ABCB11: variants seen among roughly 807,000 people sequenced by gnomAD.
ABCB11 encodes the protein ATP binding cassette subfamily B member 11.
ABCB11 carries 95 observed loss-of-function variants against 148.0 expected under a neutral mutation model. That is an observed-to-expected ratio of 0.64 (90% CI 0.54 to 0.76). The LOEUF is 0.76. Among genes scored for constraint, ABCB11 ranks in the 30% least tolerant of loss-of-function variants. The pLI, the probability that ABCB11 is intolerant of heterozygous loss-of-function variation, is 0.00. For missense variants in ABCB11, 1,523 were observed against 1,617.8 expected, an observed-to-expected ratio of 0.94 and a Z score of 1.01; for synonymous variants, 591 against 555.4, an observed-to-expected ratio of 1.06 and a Z score of -0.90.
chr2:168,927,105 C>G, intron 26 of ABCB11, 51 bp downstream of exon 26: 2 of 1,499,792 alleles, frequency 1.3e-6, no homozygotes, highest in Non-Finnish European at 1.9e-6. Context: ...GGTCATTCTA[C>G]TTCTCCCCAT....
In ABCB11 at chr2:168,990,929, A is replaced by C; in HGVS notation, c.784-4T>G. ...AGTCCGTAAACTTGGACACACTCTA[A>C]AAATCAAAAAGAAGAAAAGAAAATG... On this transcript the variant is annotated splice_polypyrimidine_tract_variant and splice_region_variant and intron_variant, in intron 8 of 27. Coordinates refer to ENST00000650372, the MANE Select transcript of ABCB11 (RefSeq NM_003742.4). The C allele has an allele frequency of 2.5e-6, 4 of 1,609,516 alleles. No homozygotes were observed. The highest frequency in any genetic ancestry group is 3.4e-6 in the Non-Finnish European group (4 of 1,178,396).
At chr2:168,916,832 C>T (rs546077866), downstream of ABCB11, among the ~76,000 whole-genome samples, 1 of 152,164 alleles carries the variant, frequency 6.6e-6, no homozygotes, top group South Asian at 2.1e-4. Context: ...TCCTTTTGTG[C>T]CTTGATTATG....
chr2:168,958,930 G>C (rs909879113), intron 18 of ABCB11, among the ~76,000 whole-genome samples: 26 of 151,606 alleles, frequency 1.7e-4, no homozygotes, highest in African/African-American at 6.3e-4. Flanking sequence ...AAGGATTTTA[G>C]GTAGCTTATA....
chr2:168,963,207 T>C (rs1219075211), intron 18 of ABCB11, among the ~76,000 whole-genome samples: 1 of 151,808 alleles, frequency 6.6e-6, no homozygotes, highest in African/African-American at 2.4e-5. Flanking sequence ...GGGGTTTTAT[T>C]TTATTGTAGA....
intron 17 of ABCB11, among the ~76,000 whole-genome samples, chr2:168,965,753 T>C (rs1558890943): frequency 6.6e-6 from 1 of 151,834 alleles, no homozygotes; most frequent in Non-Finnish European, 1.5e-5. Flanking sequence ...TCCATTCACA[T>C]ATCTTTCTCT....
In ABCB11 at chr2:168,923,635, GA is replaced by G. The variant is rs1691168080; in HGVS notation, c.3952del (p.Ser1318ProfsTer62). 1 of 1,613,622 alleles carries G rather than the reference GA, an allele frequency of 6.2e-7. No homozygotes were observed. Among genetic ancestry groups the G allele is most frequent in the African/African-American group, 1.3e-5 (1 of 74,828 alleles). On this transcript the variant is annotated frameshift_variant, in exon 28 of 28. Coordinates refer to ENST00000650372, the MANE Select transcript of ABCB11 (RefSeq NM_003742.4). LOFTEE classifies it high-confidence loss of function. ...TCTTGCATTGGGTCAACTGATGGGG[GA>G]TCCAGTGGTGACTAGTTTGTAGTAG... Reference protein sequence around the residue: ...GAYYKLVTTGSPIS With the variant: ...GAYYKLVTTGXPIS
intron 11 of ABCB11, among the ~76,000 whole-genome samples, chr2:168,978,132 CTT>C (rs35964117): frequency 2.0e-3 from 107 of 53,098 alleles, no homozygotes; most frequent in Admixed American, 0.011. Flanking sequence ...AATAAATTGA[CTT>C]TTTTTTTTTT....
At chr2:168,942,551 G>A (rs1692118148) in intron 21 of ABCB11, among the ~76,000 whole-genome samples, 1 of 151,532 alleles carries the variant, frequency 6.6e-6, no homozygotes, top group African/African-American at 2.4e-5. Flanking sequence ...CTATTTGATA[G>A]CACAATAGAA....
chr2:168,923,671 T>G lies in ABCB11; in HGVS notation c.3917A>C (p.Gln1306Pro). The change falls in exon 28 of 28, where the codon CAA (glutamine) becomes CCA (proline). Residue 1306 changes from glutamine to proline, a missense_variant. Gln to Pro is a moderately conservative substitution (Grantham distance 76, BLOSUM62 -1). Transcript: ENST00000650372. ...EKGTHEELMA[Q>P]KGAYYKLVTT... ...GACTAGTTTGTAGTAGGCTCCTTTT[T>G]GGGCCATCAGTTCTTCATGGGTCCC... 6.2e-7 allele frequency: 1 copy of G among 1,613,884 alleles called. No individual in the cohort carries two copies.
chr2:169,018,335 A>G (rs1695427632), intron 1 of ABCB11, among the ~76,000 whole-genome samples, 183 bp from the exon 2 acceptor site: 2 of 152,190 alleles, frequency 1.3e-5, no homozygotes, highest in South Asian at 4.1e-4. Context: ...GATAAGCCAC[A>G]GTCATTGATA....
Position 168,956,846 on chromosome 2 carries a change from C to T in ABCB11, c.2343+1118G>A, listed in dbSNP as rs111902725. ...GCCCTAGTGGGTCAAGGATTTACCCCATAGCCAAGATTGTGAAAGCCCATT... is the reference window on the plus strand; with the variant it reads ...GCCCTAGTGGGTCAAGGATTTACCCTATAGCCAAGATTGTGAAAGCCCATT... On this transcript the variant is annotated intron_variant, in intron 19 of 27. Coordinates refer to ENST00000650372, the MANE Select transcript of ABCB11 (RefSeq NM_003742.4). 4.5e-3 allele frequency among the ~76,000 whole-genome samples: 678 copies of T among 151,690 alleles called. 7 individuals carry two copies. Among genetic ancestry groups the T allele is most frequent in the African/African-American group, 0.015 (632 of 41,466 alleles).
downstream of ABCB11, among the ~76,000 whole-genome samples, chr2:168,920,202 A>T (rs2105868599): frequency 6.6e-6 from 1 of 152,080 alleles, no homozygotes; most frequent in South Asian, 2.1e-4. Context: ...TATGTCACAC[A>T]TTCCTCCTTC....
intron 1 of ABCB11, among the ~76,000 whole-genome samples, chr2:169,018,952 C>T (rs1383567329): frequency 2.0e-5 from 3 of 152,224 alleles, no homozygotes; most frequent in Admixed American, 6.5e-5. Flanking sequence ...TGGTATTTTC[C>T]CCTCAGCGTC....
At chr2:169,014,013 A>G (rs974174306) in intron 4 of ABCB11, among the ~76,000 whole-genome samples, 2 of 152,202 alleles carry the variant, frequency 1.3e-5, no homozygotes, top group Admixed American at 6.5e-5. Context: ...AAGAATAAAT[A>G]TATATATGTG....
At chr2:168,992,582 G>A (rs1392398350) in intron 8 of ABCB11, among the ~76,000 whole-genome samples, 1 of 152,002 alleles carries the variant, frequency 6.6e-6, no homozygotes, top group Non-Finnish European at 1.5e-5. Context: ...TTCTGTGCCC[G>A]ACACGGCTTA....
intron 19 of ABCB11, among the ~76,000 whole-genome samples, chr2:168,950,805 GT>G (rs1692529334): frequency 6.6e-6 from 1 of 151,602 alleles, no homozygotes; most frequent in African/African-American, 2.4e-5. Context: ...GTCTATTTTT[GT>G]TTTGGTTGTG....
chr2:168,928,937 T>C (rs1691441952), intron 25 of ABCB11, among the ~76,000 whole-genome samples: 1 of 152,186 alleles, frequency 6.6e-6, no homozygotes, highest in African/African-American at 2.4e-5. Flanking sequence ...CTGGATTCTG[T>C]CAATTTCTGT....
intron 9 of ABCB11, 110 bp from the exon 10 acceptor site, chr2:168,986,394 A>G: frequency 1.1e-6 from 1 of 937,004 alleles, no homozygotes; most frequent in Non-Finnish European, 1.6e-6. Flanking sequence ...AATCATCGCA[A>G]ACACAGAGCA....
chr2:168,956,848 T>C (rs1692817257), intron 19 of ABCB11, among the ~76,000 whole-genome samples: 1 of 151,566 alleles, frequency 6.6e-6, no homozygotes, highest in African/African-American at 2.4e-5. Flanking sequence ...ATTTACCCCA[T>C]AGCCAAGATT....
Sources: gnomAD v4.1 joint callset for allele counts (sites outside exome capture counted in the v4.1 genomes callset) on GRCh38, gnomAD v4.1.1 for gene constraint, MANE v1.5 for transcripts, NCBI Gene and HGNC (gene_info 2026-07-23, HGNC 2026-07-21) for gene names.